GALNT13: variants seen among roughly 807,000 people sequenced by gnomAD.
GALNT13 encodes the protein polypeptide N-acetylgalactosaminyltransferase 13, also known as UDP-GalNAc:polypeptide N-acetylgalactosaminyltransferase 13.
Under a neutral mutation model 64.2 loss-of-function variants are expected in GALNT13, and 28 were observed. The observed-to-expected ratio is 0.44, with a 90% CI of 0.32 to 0.60. The LOEUF (loss-of-function observed/expected upper bound fraction) is 0.60, where lower values mean the gene tolerates loss of function less well. Ranked by LOEUF, GALNT13 falls within the 20% of genes least tolerant of loss-of-function variation. The pLI is 0.05. For missense variants in GALNT13, 577 were observed against 669.8 expected (o/e 0.86, Z 1.53); for synonymous variants, 214 against 224.6 (o/e 0.95, Z 0.42).
intron 9 of GALNT13, among the ~76,000 whole-genome samples, chr2:154,381,934 T>C (rs1698292472): frequency 6.6e-6 from 1 of 152,134 alleles, no homozygotes; most frequent in African/African-American, 2.4e-5. Flanking sequence ...ATAAGAGAAG[T>C]AATGTGAGAA....
chr2:153,812,375 A>G, the GALNT13 span, among the ~76,000 whole-genome samples: 83 of 152,284 alleles, frequency 5.5e-4, no homozygotes, highest in African/African-American at 1.9e-3. Flanking sequence ...TTAGGTTTCT[A>G]TTGTTAATTT....
chr2:153,376,048 G>A, the GALNT13 span, among the ~76,000 whole-genome samples: 80 of 152,054 alleles, frequency 5.3e-4, no homozygotes, highest in Non-Finnish European at 1.0e-3. Flanking sequence ...CACTCACAGG[G>A]AGAGCATTAA....
At chr2:153,137,710 A>G in the GALNT13 span, among the ~76,000 whole-genome samples, 3 of 150,676 alleles carry the variant, frequency 2.0e-5, no homozygotes, top group Non-Finnish European at 4.4e-5. Context: ...TGACTAGTAT[A>G]TGATGGAGCC....
the GALNT13 span, among the ~76,000 whole-genome samples, chr2:153,275,487 C>A: frequency 2.0e-5 from 3 of 152,110 alleles, no homozygotes; most frequent in Non-Finnish European, 4.4e-5. Context: ...AGAGGATGCA[C>A]CAAGAAGGCC....
At chr2:153,242,320 T>C in the GALNT13 span, among the ~76,000 whole-genome samples, 1 of 152,134 alleles carries the variant, frequency 6.6e-6, no homozygotes, top group Non-Finnish European at 1.5e-5. Context: ...TGATTTCCTG[T>C]CTTGAATTTT....
At chr2:154,251,788 C>T (rs941421596) in intron 7 of GALNT13, among the ~76,000 whole-genome samples, 1 of 152,122 alleles carries the variant, frequency 6.6e-6, no homozygotes, top group Non-Finnish European at 1.5e-5. Context: ...GCCTCTGCTT[C>T]CTTTCTCTTT....
the GALNT13 span, among the ~76,000 whole-genome samples, chr2:153,494,992 G>A: frequency 1.3e-5 from 2 of 152,064 alleles, no homozygotes; most frequent in Non-Finnish European, 2.9e-5. Context: ...TCTCAATTGG[G>A]AAAATGCATT....
chr2:153,782,411 A>G, the GALNT13 span, among the ~76,000 whole-genome samples: 1 of 152,138 alleles, frequency 6.6e-6, no homozygotes, highest in South Asian at 2.1e-4. Flanking sequence ...AGTTCCTGTA[A>G]TGAATACTGT....
At chr2:153,171,013 T>G in the GALNT13 span, among the ~76,000 whole-genome samples, 13 of 152,264 alleles carry the variant, frequency 8.5e-5, no homozygotes, top group Non-Finnish European at 1.6e-4. Flanking sequence ...CACTTTTGTT[T>G]GTCTACTCAG....
intron 3 of GALNT13, among the ~76,000 whole-genome samples, chr2:154,029,209 G>A (rs72868438): frequency 0.072 from 10,420 of 145,688 alleles, 441 homozygotes; most frequent in Middle Eastern, 0.13. Flanking sequence ...AAAAAAGATC[G>A]TCTACAGCCC....
intron 3 of GALNT13, among the ~76,000 whole-genome samples, chr2:153,996,254 T>A (rs1695515743): frequency 6.6e-6 from 1 of 152,186 alleles, no homozygotes; most frequent in Non-Finnish European, 1.5e-5. Flanking sequence ...ACTTCTATAC[T>A]ATTTTTCTAT....
chr2:153,174,156 C>T, the GALNT13 span, among the ~76,000 whole-genome samples: 4 of 152,196 alleles, frequency 2.6e-5, no homozygotes, highest in African/African-American at 9.6e-5. Context: ...TGCCCTGGGC[C>T]TGTACCCTCC....
At chr2:154,209,334 G>C (rs1687643114) in intron 4 of GALNT13, among the ~76,000 whole-genome samples, 1 of 152,084 alleles carries the variant, frequency 6.6e-6, no homozygotes, top group Non-Finnish European at 1.5e-5. Context: ...GAAAGCTAAG[G>C]ATTTTTTCTT....
chr2:153,440,592 C>T, the GALNT13 span, among the ~76,000 whole-genome samples: 1 of 152,208 alleles, frequency 6.6e-6, no homozygotes, highest in African/African-American at 2.4e-5. Context: ...TCCTATTTCT[C>T]CACATCCTCT....
the GALNT13 span, among the ~76,000 whole-genome samples, chr2:153,729,371 T>G: frequency 2.6e-5 from 4 of 152,272 alleles, no homozygotes; most frequent in Non-Finnish European, 4.4e-5. Context: ...ATGCTATACG[T>G]TAACAAACAC....
the GALNT13 span, among the ~76,000 whole-genome samples, chr2:153,691,706 C>A: frequency 6.6e-6 from 1 of 152,020 alleles, no homozygotes; most frequent in East Asian, 1.9e-4. Flanking sequence ...ATACACATAC[C>A]AGAAGGTCTA....
At chr2:154,267,582 G>C (rs1188051095) in intron 8 of GALNT13, among the ~76,000 whole-genome samples, 1 of 152,190 alleles carries the variant, frequency 6.6e-6, no homozygotes, top group Non-Finnish European at 1.5e-5. Context: ...GGAGCTTGCA[G>C]TGAGCCGAGA....
chr2:153,627,864 G>T, the GALNT13 span, among the ~76,000 whole-genome samples: 1 of 152,014 alleles, frequency 6.6e-6, no homozygotes, highest in Non-Finnish European at 1.5e-5. Context: ...GAACTTTAAA[G>T]TAGTTTTTTC....
At chr2:153,714,601 A>G in the GALNT13 span, among the ~76,000 whole-genome samples, 1 of 152,286 alleles carries the variant, frequency 6.6e-6, no homozygotes, top group South Asian at 2.1e-4. Flanking sequence ...ACAATTTGCA[A>G]TGTTATAATT....
Sources: gnomAD v4.1 joint callset for allele counts (sites outside exome capture counted in the v4.1 genomes callset) on GRCh38, gnomAD v4.1.1 for gene constraint, MANE v1.5 for transcripts, NCBI Gene and HGNC (gene_info 2026-07-23, HGNC 2026-07-21) for gene names.